NR4A1: variants seen among roughly 807,000 people sequenced by gnomAD.
NR4A1 encodes nuclear receptor subfamily 4immunitygroup A member 1.
A neutral mutation model predicts 47.5 loss-of-function variants in NR4A1; 24 were observed. The observed-to-expected ratio is 0.50, with a 90% CI of 0.37 to 0.71. The LOEUF is 0.71. Among genes scored for constraint, NR4A1 ranks in the 30% least tolerant of loss-of-function variants. The pLI is 0.00. For synonymous variants in NR4A1, 353 were observed against 345.7 expected (o/e 1.02, Z -0.24); for missense variants, 669 against 788.6 (o/e 0.85, Z 1.82).
At chr12:52,023,587 C>T (rs1190085257) in intron 1 of NR4A1, among the ~76,000 whole-genome samples, 2 of 152,224 alleles carry the variant, frequency 1.3e-5, no homozygotes, top group East Asian at 3.9e-4. Context: ...TCTCGCGCTC[C>T]CAGCCGCAGA....
In NR4A1 at chr12:52,043,576, C is replaced by T. The variant is rs563426495; in HGVS notation, c.37+1647C>T. 2.4e-4 allele frequency: 157 copies of T among 649,628 alleles called. 1 individual carries two copies. The African/African-American group carries it at 2.8e-3, about 12-fold the overall frequency. 40.2% of individuals were successfully genotyped at this position (649,628 alleles called of 1,614,324 possible). Reference sequence around the variant, plus strand: ...AGGGTCACGCTCATGCTGGGGCTCCCGTCAGCTGACTATTTTGGGCTCTTG... The same window carrying T: ...AGGGTCACGCTCATGCTGGGGCTCCTGTCAGCTGACTATTTTGGGCTCTTG... On this transcript the variant is annotated intron_variant, in intron 2 of 7. Transcript: ENST00000360284.
At chr12:52,051,057 C>G (rs546714258), upstream of NR4A1, among the ~76,000 whole-genome samples, 3 of 152,222 alleles carry the variant, frequency 2.0e-5, no homozygotes, top group Non-Finnish European at 4.4e-5. Context: ...TTCTCGGGCT[C>G]TGGCCCTCCC....
At chr12:52,055,473 C>G in intron 2 of NR4A1, 3 of 582,496 alleles carry the variant, frequency 5.2e-6, no homozygotes, top group Non-Finnish European at 9.1e-6. Flanking sequence ...GCAGGGGTGC[C>G]TGGCGAGCCT....
intron 1 of NR4A1, among the ~76,000 whole-genome samples, chr12:52,035,689 G>A (rs564098565): frequency 3.3e-5 from 5 of 152,274 alleles, no homozygotes; most frequent in African/African-American, 1.2e-4. Context: ...ACAGGTTCTT[G>A]GGATGTGATT....
chr12:52,058,827 C>T lies in NR4A1; in HGVS notation c.1680C>T (p.Pro560=), dbSNP rs747538322. The T allele has an allele frequency of 4.5e-5, 72 of 1,613,798 alleles. No individual in the cohort carries two copies. In the Admixed American group the frequency reaches 4.5e-4, roughly 10 times the overall value. ...TGTCACGTCTGTTGGGCAAACTGCC[C>T]GAGCTGCGGACCCTGTGCACCCAGG... ...SCLSRLLGKL[P]ELRTLCTQGL... Residue 560 remains proline, a synonymous_variant, in exon 7 of 7, where the codon CCC becomes CCT. Transcript: ENST00000394825.
chr12:52,050,869 G>A (rs1938888134), upstream of NR4A1, among the ~76,000 whole-genome samples: 1 of 152,168 alleles, frequency 6.6e-6, no homozygotes, highest in African/African-American at 2.4e-5. Context: ...TGTCCTGACC[G>A]CCCAGCAGCG....
Position 52,054,722 on chromosome 12 carries a change from T to G in NR4A1, c.394T>G (p.Tyr132Asp). The change falls in exon 2 of 7, where the codon TAT (tyrosine) becomes GAT (aspartate). Residue 132 changes from tyrosine (Y) to aspartate (D), a missense_variant. Tyr to Asp is a radical substitution (Grantham distance 160). Transcript: ENST00000394825. Reference protein sequence around the residue: ...EALSSSGSDYYGSPCSAPSPS... With the variant: ...EALSSSGSDYDGSPCSAPSPS... ...CCTGTCCTCCAGTGGCTCTGACTAC[T>G]ATGGCAGCCCCTGCTCGGCCCCGTC... 1 of 1,613,522 alleles carries G rather than the reference T, an allele frequency of 6.2e-7. No homozygotes were observed. Among genetic ancestry groups the G allele is most frequent in the Non-Finnish European group, 8.5e-7 (1 of 1,180,006 alleles).
In NR4A1 at chr12:52,043,737, G is replaced by A. The variant is rs188302638; in HGVS notation, c.37+1808G>A. The A allele has an allele frequency of 2.7e-4, 346 of 1,282,296 alleles. No individual in the cohort carries two copies. In the African/African-American group the frequency reaches 4.6e-3, roughly 17 times the overall value. 79.4% of individuals were successfully genotyped at this position (1,282,296 alleles called of 1,614,324 possible). A position where few individuals can be genotyped will look rare whatever the true frequency, so the allele number is the denominator to read the frequency against. ...GGAGGCAGCACCACATCCAGAGCTC[G>A]CTCAGCTGCTGCCCAGCCTCGGCTG... On this transcript the variant is annotated intron_variant, in intron 2 of 7. Transcript: ENST00000360284.
intron 1 of NR4A1, among the ~76,000 whole-genome samples, chr12:52,031,014 C>T (rs1938114523): frequency 6.6e-6 from 1 of 151,908 alleles, no homozygotes; most frequent in Non-Finnish European, 1.5e-5. Context: ...CCGACAAACT[C>T]CCCTCAGTTT....
chr12:52,036,973 T>A (rs1471821573), intron 1 of NR4A1, among the ~76,000 whole-genome samples: 1 of 152,150 alleles, frequency 6.6e-6, no homozygotes, highest in Admixed American at 6.5e-5. Flanking sequence ...GGCCGCGGGT[T>A]ATGTAACCGG....
intron 1 of NR4A1, chr12:52,053,967 A>C: frequency 8.6e-6 from 2 of 233,726 alleles, no homozygotes; most frequent in South Asian, 2.2e-4. Flanking sequence ...GGCCCCCACC[A>C]TGCCTTCCCC....
exon 2 of NR4A1, chr12:52,041,850 G>A: frequency 6.6e-7 from 1 of 1,511,016 alleles, no homozygotes; most frequent in Non-Finnish European, 8.8e-7. Context: ...CCCCTCCCAG[G>A]CAGCCTGGCT....
chr12:52,040,183 G>A (rs1273195171), intron 1 of NR4A1, among the ~76,000 whole-genome samples: 2 of 152,234 alleles, frequency 1.3e-5, no homozygotes, highest in South Asian at 2.1e-4. Context: ...CCTGGCTCCC[G>A]GGGGTCCTCA....
At chr12:52,042,456 G>C (rs930915680) in intron 2 of NR4A1, among the ~76,000 whole-genome samples, 2 of 152,146 alleles carry the variant, frequency 1.3e-5, no homozygotes, top group African/African-American at 2.4e-5. Flanking sequence ...CTGTGGTGTC[G>C]GGGGTGGCCT....
Sources: gnomAD v4.1 joint callset for allele counts (sites outside exome capture counted in the v4.1 genomes callset) on GRCh38, gnomAD v4.1.1 for gene constraint, MANE v1.5 for transcripts, NCBI Gene and HGNC (gene_info 2026-07-23, HGNC 2026-07-21) for gene names.